Variants in PRKCB observed in about 807,000 individuals in gnomAD.
PRKCB encodes protein kinase C beta, also known as protein kinase C beta type.
In PRKCB, 13 loss-of-function variants were observed where a neutral mutation model predicts 81.5. The ratio of observed to expected loss-of-function variants is 0.16; its 90% CI spans 0.10 to 0.25. The LOEUF (loss-of-function observed/expected upper bound fraction) is 0.25, where lower values mean the gene tolerates loss of function less well. Among genes scored for constraint, PRKCB ranks in the 10% least tolerant of loss-of-function variants. The pLI, the probability that PRKCB is intolerant of heterozygous loss-of-function variation, is 1.00. For missense variants in PRKCB, 509 were observed against 875.7 expected, an observed-to-expected ratio of 0.58 and a Z score of 5.29; for synonymous variants, 335 against 321.4, an observed-to-expected ratio of 1.04 and a Z score of -0.45.
intron 2 of PRKCB, among the ~76,000 whole-genome samples, chr16:23,849,934 T>C (rs975573362): frequency 5.9e-5 from 9 of 152,198 alleles, no homozygotes; most frequent in African/African-American, 2.2e-4. Context: ...CCTATTCCCC[T>C]TGTCTATCTG....
intron 5 of PRKCB, among the ~76,000 whole-genome samples, chr16:24,039,083 T>C (rs1965664469): frequency 1.3e-5 from 2 of 151,976 alleles, no homozygotes; most frequent in Non-Finnish European, 2.9e-5. Flanking sequence ...GATCATTCTG[T>C]CTCCACCAAA....
At chr16:23,995,186 G>A (rs899252031) in intron 3 of PRKCB, among the ~76,000 whole-genome samples, 4 of 152,064 alleles carry the variant, frequency 2.6e-5, no homozygotes. Context: ...TGGCCTACTG[G>A]GCCTACTTGG....
intron 2 of PRKCB, among the ~76,000 whole-genome samples, chr16:23,856,923 C>T (rs998524518): frequency 7.9e-5 from 12 of 151,896 alleles, no homozygotes; most frequent in Non-Finnish European, 1.8e-4. Context: ...CAATGTAGTT[C>T]GAATATCACT....
At position 23,850,161 on chromosome 16, in the gene PRKCB, T is replaced by A. The variant is rs546124364; in HGVS notation, c.205+12755T>A. Among the ~76,000 whole-genome samples, 10 of 152,314 alleles carry A rather than the reference T, an allele frequency of 6.6e-5. No individual in the cohort carries two copies. The East Asian group carries it at 1.9e-3, about 29-fold the overall frequency. On this transcript the variant is annotated intron_variant, in intron 2 of 16. Coordinates refer to ENST00000643927, the MANE Select transcript of PRKCB (RefSeq NM_002738.7). ...AATGATATAATTTCTCTCTTTTTTT[T>A]AAAGTCTGGGTAGGATTCTATTGTG...
chr16:24,181,417 T>A (rs1967619615), intron 13 of PRKCB, among the ~76,000 whole-genome samples: 1 of 152,090 alleles, frequency 6.6e-6, no homozygotes, highest in African/African-American at 2.4e-5. Context: ...GATATATATG[T>A]AGATGTGAAA....
chr16:23,989,890 G>A (rs866264493), intron 3 of PRKCB, among the ~76,000 whole-genome samples: 2 of 152,140 alleles, frequency 1.3e-5, no homozygotes, highest in Admixed American at 6.5e-5. Flanking sequence ...CTGCTAATGG[G>A]AACTGAGGGG....
At chr16:23,964,224 T>C (rs907765011) in intron 2 of PRKCB, among the ~76,000 whole-genome samples, 1 of 152,230 alleles carries the variant, frequency 6.6e-6, no homozygotes, top group African/African-American at 2.4e-5. Context: ...ATGGGGAACA[T>C]TGTCATCATC....
intron 3 of PRKCB, among the ~76,000 whole-genome samples, chr16:23,991,890 G>C (rs1459173447): frequency 1.3e-5 from 2 of 152,180 alleles, no homozygotes; most frequent in Non-Finnish European, 2.9e-5. Context: ...GGCCAGGCCT[G>C]GGTATATGCT....
intron 2 of PRKCB, among the ~76,000 whole-genome samples, chr16:23,886,407 T>TTTTTTTGTTTTTTTTTTG (rs1963202011): frequency 1.4e-4 from 2 of 14,590 alleles, no homozygotes; most frequent in African/African-American, 9.6e-4. Context: ...GTGTTAGGTG[T>TTTTTTTGTTTTTTTTTTG]TTTTTTTTTT....
chr16:23,950,522 G>C (rs560250659), intron 2 of PRKCB, among the ~76,000 whole-genome samples: 1 of 152,336 alleles, frequency 6.6e-6, no homozygotes, highest in East Asian at 1.9e-4. Flanking sequence ...TGGACAAGCT[G>C]TGTGGCCTCA....
At position 24,216,995 on chromosome 16, in the gene PRKCB, G is replaced by A. The variant is rs1255042078; in HGVS notation, c.*2179G>A. ...TCATGATCCCATTTTGCTTGGACAT[G>A]CTCTCAGGAAGATAAAAACCATGGA... On this transcript the variant is annotated 3_prime_UTR_variant, in exon 17 of 17. Coordinates refer to ENST00000643927, the MANE Select transcript of PRKCB (RefSeq NM_002738.7). The A allele has an allele frequency of 3.0e-6, 3 of 985,178 alleles. No homozygotes were observed. In the Admixed American group the frequency reaches 1.8e-4, roughly 61 times the overall value. 61.0% of individuals were successfully genotyped at this position (985,178 alleles called of 1,614,324 possible). A position where few individuals can be genotyped will look rare whatever the true frequency, so the allele number is the denominator to read the frequency against.
chr16:24,217,772 A>G lies in PRKCB; in HGVS notation c.*2956A>G. The G allele has an allele frequency of 6.1e-6, 6 of 985,422 alleles. No individual in the cohort carries two copies. The highest frequency in any genetic ancestry group is 7.2e-6 in the Non-Finnish European group (6 of 829,954). The allele number at this position is 985,422 out of a possible 1,614,324, so 61.0% of individuals were successfully genotyped here. A position where few individuals can be genotyped will look rare whatever the true frequency, so the allele number is the denominator to read the frequency against. On this transcript the variant is annotated 3_prime_UTR_variant, in exon 17 of 17. Coordinates refer to ENST00000643927, the MANE Select transcript of PRKCB (RefSeq NM_002738.7). The stretch of plus-strand genomic sequence containing the variant: ...TTGATGAGACCAGGGGAGACCTAAA[A>G]AAAAGGCAGCTTTGTGTCTTCTAGC...
intron 2 of PRKCB, among the ~76,000 whole-genome samples, chr16:23,933,883 CTTGT>C (rs1431344109): frequency 7.7e-6 from 1 of 129,108 alleles, no homozygotes; most frequent in Non-Finnish European, 1.6e-5. Context: ...CATCCATCAT[CTTGT>C]TTGTCAATTT....
intron 10 of PRKCB, among the ~76,000 whole-genome samples, chr16:24,162,813 G>T (rs1368826105): frequency 1.3e-5 from 2 of 152,088 alleles, no homozygotes; most frequent in Non-Finnish European, 2.9e-5. Flanking sequence ...TTCAGGTGAT[G>T]GGTGCCCTAA....
intron 3 of PRKCB, among the ~76,000 whole-genome samples, chr16:24,016,007 G>A (rs766896676): frequency 6.6e-6 from 1 of 152,140 alleles, no homozygotes; most frequent in East Asian, 1.9e-4. Context: ...TGTACTTATT[G>A]AGTGCCTGCT....
At position 24,113,706 on chromosome 16, in the gene PRKCB, T is replaced by A. The variant is rs76565091; in HGVS notation, c.918+637T>A. 9.9e-5 allele frequency among the ~76,000 whole-genome samples: 15 copies of A among 152,274 alleles called. No individual in the cohort carries two copies. The East Asian group carries it at 2.9e-3, about 29-fold the overall frequency. ...TTCCTGTTTATGGCATGGTTTCTAC[T>A]AAGACTTTTCATGACTCTGAGCCTT... is the stretch of plus-strand genomic sequence containing the variant. On this transcript the variant is annotated intron_variant, in intron 8 of 16. Coordinates refer to ENST00000643927, the MANE Select transcript of PRKCB (RefSeq NM_002738.7).
intron 2 of PRKCB, among the ~76,000 whole-genome samples, chr16:23,889,528 G>A (rs1963258072): frequency 6.6e-6 from 1 of 152,156 alleles, no homozygotes; most frequent in South Asian, 2.1e-4. Context: ...CTGGTCTTTG[G>A]CCTTGCAGGC....
intron 2 of PRKCB, among the ~76,000 whole-genome samples, chr16:23,973,385 G>A (rs1433347949): frequency 2.0e-5 from 3 of 152,124 alleles, no homozygotes; most frequent in Non-Finnish European, 4.4e-5. Flanking sequence ...ATTTCACCAT[G>A]TTAGCCAGGC....
intron 15 of PRKCB, among the ~76,000 whole-genome samples, chr16:24,186,289 G>C (rs542152408): frequency 6.6e-6 from 1 of 152,086 alleles, no homozygotes; most frequent in South Asian, 2.1e-4. Flanking sequence ...AGAATAACCC[G>C]AAGTGCCTTA....
Sources: allele counts gnomAD v4.1 joint callset (sites outside exome capture counted in the v4.1 genomes callset), GRCh38; gene constraint gnomAD v4.1.1; transcripts MANE v1.5; gene names NCBI Gene and HGNC (gene_info 2026-07-23, HGNC 2026-07-21).